Variants in MALRD1 observed in about 807,000 individuals in gnomAD.
The protein encoded by MALRD1 is MAM and LDL-receptor class A domain-containing protein 1.
In MALRD1, 247 loss-of-function variants were observed where a neutral mutation model predicts 242.1. The ratio of observed to expected loss-of-function variants is 1.02; its 90% confidence interval spans 0.92 to 1.13. MALRD1 has a LOEUF of 1.13. Among genes scored for constraint, MALRD1 ranks in the 50% most tolerant of loss-of-function variants. MALRD1 has a pLI of 0.00. For missense variants in MALRD1, 2,989 were observed against 2,533.1 expected (o/e 1.18, Z -3.86); for synonymous variants, 995 against 866.6 (o/e 1.15, Z -2.60).
chr10:19,513,207 G>C (rs1421252231), intron 31 of MALRD1, among the ~76,000 whole-genome samples: 1 of 152,074 alleles, frequency 6.6e-6, no homozygotes, highest in Non-Finnish European at 1.5e-5. Context: ...TGAACGGCAT[G>C]GTGCTCCATC....
Position 19,054,825 on chromosome 10 carries a change from C to T in MALRD1, c.199+5688C>T, listed in dbSNP as rs1270461364. ...TTGATGTACACTTAAATTGATTCTA[C>T]ATCTTGGCGATTGTGAATAGTACTG... On this transcript the variant is annotated intron_variant, in intron 1 of 39. Coordinates refer to ENST00000454679, the MANE Select transcript of MALRD1 (RefSeq NM_001142308.3). Among the ~76,000 whole-genome samples the T allele has an allele frequency of 2.0e-5, 3 of 152,184 alleles. No individual in the cohort carries two copies. In the East Asian group the frequency reaches 5.8e-4, roughly 29 times the overall value.
chr10:19,141,987 A>G (rs1187289695), intron 10 of MALRD1, among the ~76,000 whole-genome samples: 1 of 151,998 alleles, frequency 6.6e-6, no homozygotes, highest in Non-Finnish European at 1.5e-5. Flanking sequence ...CCTTGCTAAC[A>G]CAGTGAAACC....
chr10:19,155,283 A>T (rs1834102325), intron 12 of MALRD1, 111 bp downstream of exon 12: 1 of 478,074 alleles, frequency 2.1e-6, no homozygotes, highest in Admixed American at 4.4e-5. Flanking sequence ...TTAATGATGA[A>T]TTAAGAGATT....
At chr10:19,185,631 A>T (rs1390171185) in intron 14 of MALRD1, among the ~76,000 whole-genome samples, 1 of 152,222 alleles carries the variant, frequency 6.6e-6, no homozygotes, top group African/African-American at 2.4e-5. Context: ...GAGATGCATA[A>T]TAGAGACAAA....
chr10:19,419,648 C>T (rs61851069), intron 28 of MALRD1, among the ~76,000 whole-genome samples: 1 of 151,992 alleles, frequency 6.6e-6, no homozygotes, highest in Non-Finnish European at 1.5e-5. Context: ...TGGAAAAATC[C>T]TTTTACTCGT....
chr10:19,450,656 A>G (rs1835272596), intron 29 of MALRD1, among the ~76,000 whole-genome samples, 166 bp downstream of exon 29: 1 of 152,352 alleles, frequency 6.6e-6, no homozygotes, highest in South Asian at 2.1e-4. Flanking sequence ...GTATGTTGAG[A>G]TAATACCTAT....
At chr10:19,465,852 TC>T (rs1284398864) in intron 29 of MALRD1, among the ~76,000 whole-genome samples, 4 of 152,190 alleles carry the variant, frequency 2.6e-5, no homozygotes, top group African/African-American at 9.7e-5. Flanking sequence ...TGGATATCTT[TC>T]CCTGTCTCTG....
At chr10:19,256,714 A>T (rs1839529368) in intron 18 of MALRD1, among the ~76,000 whole-genome samples, 1 of 152,092 alleles carries the variant, frequency 6.6e-6, no homozygotes, top group Non-Finnish European at 1.5e-5. Flanking sequence ...CAGCAATTTG[A>T]CCTTTTAAAA....
At chr10:19,214,821 A>T (rs755336371) in intron 18 of MALRD1, among the ~76,000 whole-genome samples, 5 of 152,212 alleles carry the variant, frequency 3.3e-5, no homozygotes, top group Non-Finnish European at 7.3e-5. Context: ...ACAATTTCCC[A>T]TTGAGACTTT....
chr10:19,567,698 C>G lies in MALRD1; in HGVS notation c.5675C>G (p.Thr1892Ser). ...DDISFTPECV[T>S]GGPVPVQPSP... ...ATCTCTTTTACCCCAGAGTGTGTGA[C>G]TGGAGGTAAGTGATTCTTTCAGAAA... The change falls in exon 33 of 40, where the codon ACT becomes AGT. Residue 1892 changes from threonine to serine, a missense_variant. Transcript: ENST00000454679. The G allele has an allele frequency of 6.5e-7, 1 of 1,549,948 alleles. No homozygotes were observed. Among genetic ancestry groups the G allele is most frequent in the Non-Finnish European group, 8.7e-7 (1 of 1,146,414 alleles).
chr10:19,604,872 T>G (rs946304442), intron 34 of MALRD1, among the ~76,000 whole-genome samples: 8 of 152,184 alleles, frequency 5.3e-5, no homozygotes, highest in African/African-American at 1.7e-4. Flanking sequence ...TAATGCAACA[T>G]TAGCTTTATT....
chr10:19,668,737 C>G (rs562563303), intron 36 of MALRD1, among the ~76,000 whole-genome samples: 9 of 151,154 alleles, frequency 6.0e-5, no homozygotes, highest in African/African-American at 1.9e-4. Flanking sequence ...TAGACATTGA[C>G]AAAAATACTG....
chr10:19,054,843 TAG>T (rs1834615216), intron 1 of MALRD1, among the ~76,000 whole-genome samples: 1 of 152,232 alleles, frequency 6.6e-6, no homozygotes, highest in East Asian at 1.9e-4. Context: ...CGATTGTGAA[TAG>T]TACTGCAATA....
At chr10:19,655,530 GTATATATATA>G (rs56752723) in intron 36 of MALRD1, among the ~76,000 whole-genome samples, 13,457 of 108,644 alleles carry the variant, frequency 0.12, 798 homozygotes, top group Admixed American at 0.16. Flanking sequence ...ATGTGTGAGT[GTATATATATA>G]TATATATATA....
chr10:19,351,166 A>G (rs1382731119), intron 25 of MALRD1, among the ~76,000 whole-genome samples: 3 of 152,120 alleles, frequency 2.0e-5, no homozygotes, highest in Non-Finnish European at 2.9e-5. Context: ...TGTTTCAAAC[A>G]TGTTTTTTTC....
At chr10:19,484,362 C>A (rs1482027953) in intron 29 of MALRD1, among the ~76,000 whole-genome samples, 1 of 152,078 alleles carries the variant, frequency 6.6e-6, no homozygotes, top group African/African-American at 2.4e-5. Flanking sequence ...CCCAGATGTT[C>A]ATACATATTT....
chr10:19,281,674 T>TA (rs371078404), intron 20 of MALRD1, among the ~76,000 whole-genome samples: 145 of 152,244 alleles, frequency 9.5e-4, no homozygotes, highest in African/African-American at 3.2e-3. Context: ...AAAATTGTGA[T>TA]AAAAACACAT....
At chr10:19,688,521 A>G (rs188036374) in intron 36 of MALRD1, among the ~76,000 whole-genome samples, 5 of 152,166 alleles carry the variant, frequency 3.3e-5, no homozygotes, top group Non-Finnish European at 7.3e-5. Flanking sequence ...TCGGTCTCCC[A>G]AAGTGCTGGA....
At chr10:19,440,905 T>C (rs1309467679) in intron 28 of MALRD1, among the ~76,000 whole-genome samples, 1 of 152,098 alleles carries the variant, frequency 6.6e-6, no homozygotes, top group Non-Finnish European at 1.5e-5. Flanking sequence ...TCTAGATCCT[T>C]GAGGAATCAC....
Sources: gnomAD v4.1 joint callset for allele counts (sites outside exome capture counted in the v4.1 genomes callset) on GRCh38, gnomAD v4.1.1 for gene constraint, MANE v1.5 for transcripts, NCBI Gene and HGNC (gene_info 2026-07-23, HGNC 2026-07-21) for gene names.